JAZF1: variants seen among roughly 807,000 people sequenced by gnomAD.
JAZF1 encodes JAZF zinc finger 1.
JAZF1 carries 8 observed loss-of-function variants against 26.4 expected under a neutral mutation model. That is an observed-to-expected ratio of 0.30 (90% CI 0.18 to 0.55). JAZF1 has a LOEUF of 0.55. Ranked by LOEUF, JAZF1 falls within the 20% of genes least tolerant of loss-of-function variation. JAZF1 has a pLI of 0.94. For synonymous variants in JAZF1, 126 were observed against 122.3 expected, an observed-to-expected ratio of 1.03 and a Z score of -0.20; for missense variants, 199 against 322.0, an observed-to-expected ratio of 0.62 and a Z score of 2.92.
chr7:27,936,664 T>C (rs1299916288), intron 2 of JAZF1, among the ~76,000 whole-genome samples: 1 of 152,214 alleles, frequency 6.6e-6, no homozygotes, highest in Non-Finnish European at 1.5e-5. Context: ...ATTTTGTCCA[T>C]TTGTTTACTT....
At chr7:27,902,172 G>A (rs992842131) in intron 2 of JAZF1, among the ~76,000 whole-genome samples, 2 of 152,170 alleles carry the variant, frequency 1.3e-5, no homozygotes, top group Admixed American at 1.3e-4. Flanking sequence ...GTGATTATAT[G>A]GGGCTGCCCC....
At chr7:27,977,348 T>C (rs893776151) in intron 2 of JAZF1, among the ~76,000 whole-genome samples, 1 of 152,224 alleles carries the variant, frequency 6.6e-6, no homozygotes, top group Non-Finnish European at 1.5e-5. Context: ...CCAAGACCCT[T>C]TAACTTGTCA....
intron 1 of JAZF1, among the ~76,000 whole-genome samples, chr7:28,015,848 C>A (rs925789671): frequency 1.3e-5 from 2 of 152,140 alleles, no homozygotes; most frequent in Non-Finnish European, 2.9e-5. Context: ...TGCTCAGGAT[C>A]GTCCCTGAAA....
At chr7:28,139,062 T>C (rs563653930) in intron 1 of JAZF1, among the ~76,000 whole-genome samples, 1 of 152,312 alleles carries the variant, frequency 6.6e-6, no homozygotes, top group South Asian at 2.1e-4. Flanking sequence ...GGCCTGGTAC[T>C]AGTTGTTTTG....
In JAZF1 at chr7:27,895,548, A is replaced by G. The variant is rs1784048505; in HGVS notation, c.189-132T>C. 3 of 489,782 alleles carry G rather than the reference A, an allele frequency of 6.1e-6. No individual in the cohort carries two copies. In the South Asian group the frequency reaches 1.4e-4, roughly 23 times the overall value. The allele number at this position is 489,782 out of a possible 1,614,324, so 30.3% of individuals were successfully genotyped here. A position where few individuals can be genotyped will look rare whatever the true frequency, so the allele number is the denominator to read the frequency against. On this transcript the variant is annotated intron_variant, in intron 2 of 4. Transcript: ENST00000283928. Reference sequence around the variant, plus strand: ...CCACAGGTCAGTCCCAATCTCAAAAACTCACAACAGCTTCCCTTTTCCAAT... The same window carrying G: ...CCACAGGTCAGTCCCAATCTCAAAAGCTCACAACAGCTTCCCTTTTCCAAT...
chr7:28,150,495 C>T (rs1783095298), intron 1 of JAZF1, among the ~76,000 whole-genome samples: 1 of 152,240 alleles, frequency 6.6e-6, no homozygotes, highest in Non-Finnish European at 1.5e-5. Context: ...ATAAAGGCCA[C>T]AAATGCCGCC....
intron 1 of JAZF1, among the ~76,000 whole-genome samples, chr7:28,097,320 A>G (rs371897108): frequency 6.6e-6 from 1 of 152,168 alleles, no homozygotes; most frequent in South Asian, 2.1e-4. Flanking sequence ...GATGCTGCTA[A>G]TTTGCCAGAA....
At chr7:28,082,740 G>A (rs1253474386) in intron 1 of JAZF1, among the ~76,000 whole-genome samples, 1 of 152,092 alleles carries the variant, frequency 6.6e-6, no homozygotes, top group Non-Finnish European at 1.5e-5. Flanking sequence ...CCCAAGGACT[G>A]TGCATCCACC....
At chr7:28,164,149 ACAG>A (rs1292943871) in intron 1 of JAZF1, among the ~76,000 whole-genome samples, 2 of 152,200 alleles carry the variant, frequency 1.3e-5, no homozygotes, top group Non-Finnish European at 2.9e-5. Flanking sequence ...AGCCCAACCC[ACAG>A]CAGATTAGCT....
chr7:27,856,262 A>C (rs1234920044), intron 3 of JAZF1, among the ~76,000 whole-genome samples: 1 of 151,918 alleles, frequency 6.6e-6, no homozygotes, highest in Non-Finnish European at 1.5e-5. Flanking sequence ...TACAGCTCTT[A>C]AGGCGGCACA....
intron 3 of JAZF1, among the ~76,000 whole-genome samples, chr7:27,887,822 T>C (rs1783895912): frequency 6.6e-6 from 1 of 152,148 alleles, no homozygotes; most frequent in Admixed American, 6.5e-5. Flanking sequence ...CTTGTTGCCA[T>C]CCTCACTCCA....
chr7:28,031,561 C>T (rs530153517), intron 1 of JAZF1, among the ~76,000 whole-genome samples: 244 of 152,324 alleles, frequency 1.6e-3, no homozygotes, highest in African/African-American at 5.5e-3. Flanking sequence ...ACCATTTGTA[C>T]ATGTACGTTT....
chr7:28,086,721 C>G (rs530847154), intron 1 of JAZF1, among the ~76,000 whole-genome samples: 1 of 152,284 alleles, frequency 6.6e-6, no homozygotes, highest in African/African-American at 2.4e-5. Context: ...AGTTTTATGT[C>G]ATAATAGGAG....
chr7:28,170,211 C>T (rs1409925883), intron 1 of JAZF1, among the ~76,000 whole-genome samples: 1 of 151,854 alleles, frequency 6.6e-6, no homozygotes, highest in Non-Finnish European at 1.5e-5. Flanking sequence ...TCGCTGGAGC[C>T]CAAAAGTTCA....
At chr7:28,017,928 C>A (rs1041860698) in intron 1 of JAZF1, among the ~76,000 whole-genome samples, 1 of 152,126 alleles carries the variant, frequency 6.6e-6, no homozygotes, top group African/African-American at 2.4e-5. Flanking sequence ...TGCCTGCCAC[C>A]ACGTCTGGCT....
intron 3 of JAZF1, among the ~76,000 whole-genome samples, chr7:27,862,360 TC>T (rs1783399193): frequency 6.9e-6 from 1 of 145,850 alleles, no homozygotes. Context: ...CCCTCCCGCC[TC>T]CCCCGCCCCA....
chr7:28,074,743 T>A (rs1784025776), intron 1 of JAZF1, among the ~76,000 whole-genome samples: 1 of 152,240 alleles, frequency 6.6e-6, no homozygotes, highest in Non-Finnish European at 1.5e-5. Flanking sequence ...CTGGCTTGTC[T>A]GATGTGTGAA....
At chr7:27,960,320 G>T (rs1785166878) in intron 2 of JAZF1, among the ~76,000 whole-genome samples, 3 of 152,216 alleles carry the variant, frequency 2.0e-5, no homozygotes, top group African/African-American at 7.2e-5. Flanking sequence ...ACCTCTAAAT[G>T]CTAATTTTTA....
intron 2 of JAZF1, among the ~76,000 whole-genome samples, chr7:27,945,664 C>T (rs1273836844): frequency 6.6e-6 from 1 of 152,230 alleles, no homozygotes; most frequent in Non-Finnish European, 1.5e-5. Flanking sequence ...TGCCTGGGCA[C>T]TTGTTAGGCA....
Sources: gnomAD v4.1 joint callset for allele counts (sites outside exome capture counted in the v4.1 genomes callset) on GRCh38, gnomAD v4.1.1 for gene constraint, MANE v1.5 for transcripts, NCBI Gene and HGNC (gene_info 2026-07-23, HGNC 2026-07-21) for gene names.